NETO2: variants seen among roughly 807,000 people sequenced by gnomAD.
NETO2 encodes neuropilin and tolloid-like protein 2.
In NETO2, 28 loss-of-function variants were observed where a neutral mutation model predicts 62.5. The ratio of observed to expected loss-of-function variants is 0.45; its 90% CI spans 0.33 to 0.61. The LOEUF (loss-of-function observed/expected upper bound fraction) is 0.61. Ranked by LOEUF, NETO2 falls within the 20% of genes least tolerant of loss-of-function variation. NETO2 has a pLI of 0.02. For missense variants in NETO2, 548 were observed against 643.2 expected (o/e 0.85, Z 1.60); for synonymous variants, 214 against 219.1 (o/e 0.98, Z 0.21).
intron 2 of NETO2, among the ~76,000 whole-genome samples, chr16:47,130,456 A>G (rs935541535): frequency 6.6e-6 from 1 of 151,054 alleles, no homozygotes; most frequent in African/African-American, 2.4e-5. Flanking sequence ...AAATAAATAA[A>G]TAATAATAAT....
intron 6 of NETO2, among the ~76,000 whole-genome samples, chr16:47,121,307 G>A (rs1179304232): frequency 6.6e-6 from 1 of 152,108 alleles, no homozygotes; most frequent in South Asian, 2.1e-4. Context: ...TCTGCGGGCT[G>A]TGAGCTGACC....
chr16:47,134,617 C>T (rs1440754416), intron 1 of NETO2, among the ~76,000 whole-genome samples: 1 of 152,166 alleles, frequency 6.6e-6, no homozygotes, highest in Non-Finnish European at 1.5e-5. Context: ...GTATACCATT[C>T]CTCCTTAATC....
chr16:47,143,477 C>A, intron 1 of NETO2, 102 bp downstream of exon 1: 1 of 1,179,988 alleles, frequency 8.5e-7, no homozygotes, highest in South Asian at 4.2e-5. Flanking sequence ...AGAGGCGCGT[C>A]GGGTCCCGGG....
chr16:47,129,297 A>T lies in NETO2; in HGVS notation c.159T>A (p.Asn53Lys). 6.2e-7 allele frequency: 1 copy of T among 1,614,024 alleles called. No individual in the cohort carries two copies. Among genetic ancestry groups the T allele is most frequent in the South Asian group, 1.1e-5 (1 of 91,072 alleles). The change falls in exon 3 of 9, where the codon AAT becomes AAA. Residue 53 changes from asparagine (N) to lysine (K), a missense_variant. By Grantham distance (94) the Asn-to-Lys change is moderately conservative. Transcript: ENST00000562435. ...TQCGIWVRTS[N>K]GGHFASPNYP... The stretch of plus-strand genomic sequence containing the variant: ...AATTTGGCGAAGCAAAATGACCTCC[A>T]TTGCTGGTTCGAACCCAAATGCCAC...
At chr16:47,096,972 G>C (rs991779656) in intron 7 of NETO2, among the ~76,000 whole-genome samples, 1 of 152,202 alleles carries the variant, frequency 6.6e-6, no homozygotes, top group Non-Finnish European at 1.5e-5. Flanking sequence ...GAAGCCATGA[G>C]GGAACGGCGC....
intron 6 of NETO2, among the ~76,000 whole-genome samples, chr16:47,118,450 T>A (rs1305958537): frequency 1.3e-5 from 2 of 152,216 alleles, no homozygotes; most frequent in Non-Finnish European, 2.9e-5. Context: ...CTCCTCTATC[T>A]AGTTCCTCTG....
At chr16:47,136,539 G>A (rs1964364231) in intron 1 of NETO2, among the ~76,000 whole-genome samples, 1 of 152,060 alleles carries the variant, frequency 6.6e-6, no homozygotes, top group South Asian at 2.1e-4. Context: ...CTGAGTAGCT[G>A]GGACTACAGG....
chr16:47,138,081 T>C (rs952739390), intron 1 of NETO2, among the ~76,000 whole-genome samples: 1 of 152,196 alleles, frequency 6.6e-6, no homozygotes, highest in Non-Finnish European at 1.5e-5. Flanking sequence ...GATGACTTGA[T>C]AAAGGGCATT....
At chr16:47,088,374 G>C (rs918161478) in intron 7 of NETO2, among the ~76,000 whole-genome samples, 7 of 152,262 alleles carry the variant, frequency 4.6e-5, no homozygotes, top group Middle Eastern at 6.8e-3. Context: ...CCAAAGTGTT[G>C]GGATTACAGG....
intron 1 of NETO2, among the ~76,000 whole-genome samples, chr16:47,137,454 G>A (rs1053875949): frequency 6.6e-6 from 1 of 152,192 alleles, no homozygotes; most frequent in African/African-American, 2.4e-5. Context: ...TTTGGTAGTG[G>A]CAGGAGACAT....
Position 47,131,373 on chromosome 16 carries a change from G to A in NETO2, c.91+596C>T, listed in dbSNP as rs547638861. 3.8e-4 allele frequency among the ~76,000 whole-genome samples: 58 copies of A among 152,314 alleles called. No individual in the cohort carries two copies. The South Asian group carries it at 0.012, about 31-fold the overall frequency. On this transcript the variant is annotated intron_variant, in intron 2 of 8. Transcript: ENST00000562435. ...GGGAAATACCAAAAGAATCAGCTAA[G>A]AGTGATTATTTCCATGGAGCAGGAA...
At chr16:47,131,862 A>C (rs1964272051) in intron 2 of NETO2, 107 bp downstream of exon 2, 2 of 879,466 alleles carry the variant, frequency 2.3e-6, no homozygotes, top group Admixed American at 3.7e-5. Flanking sequence ...AGGTCACTGG[A>C]ACACCCCAAA....
intron 6 of NETO2, 149 bp from the exon 7 acceptor site, chr16:47,109,860 G>A: frequency 1.7e-6 from 1 of 601,110 alleles, no homozygotes. Flanking sequence ...ATAGTGAGAG[G>A]AACTAAGATT....
At chr16:47,108,089 T>A (rs1426520874) in intron 7 of NETO2, among the ~76,000 whole-genome samples, 1 of 152,016 alleles carries the variant, frequency 6.6e-6, no homozygotes, top group Non-Finnish European at 1.5e-5. Context: ...ATAATAATAT[T>A]ATTAATATTA....
intron 1 of NETO2, among the ~76,000 whole-genome samples, chr16:47,136,814 C>T (rs928855775): frequency 6.6e-6 from 1 of 151,720 alleles, no homozygotes; most frequent in African/African-American, 2.4e-5. Context: ...AAATAGATCT[C>T]GCCTTCAAGC....
At chr16:47,096,171 AGGGAAATTTACACC>A (rs1963423613) in intron 7 of NETO2, among the ~76,000 whole-genome samples, 1 of 152,224 alleles carries the variant, frequency 6.6e-6, no homozygotes, top group East Asian at 1.9e-4. Context: ...CAGTAGTAAA[AGGGAAATTTACACC>A]TGTAAATGCC....
In NETO2 at chr16:47,081,288, G is replaced by T. The variant is rs933215183; in HGVS notation, c.*1933C>A. 6.6e-6 allele frequency: 1 copy of T among 152,068 alleles called. No individual in the cohort carries two copies. The allele number at this position is 152,068 out of a possible 1,614,324, so 9.4% of individuals were successfully genotyped here. A position where few individuals can be genotyped will look rare whatever the true frequency, so the allele number is the denominator to read the frequency against. ...TTATGCTGTTCAAATGTTAGCTGGT[G>T]TAAGTTACCTACTAAAATGCTTATT... is the stretch of plus-strand genomic sequence containing the variant. On this transcript the variant is annotated 3_prime_UTR_variant, in exon 9 of 9. Transcript: ENST00000562435.
chr16:47,111,355 CT>C (rs1963796835), intron 6 of NETO2, among the ~76,000 whole-genome samples: 2 of 152,160 alleles, frequency 1.3e-5, no homozygotes, highest in African/African-American at 4.8e-5. Context: ...ATAGTAAATG[CT>C]CTTCAAAGAC....
intron 7 of NETO2, among the ~76,000 whole-genome samples, 164 bp from the exon 8 acceptor site, chr16:47,086,503 T>C (rs774948662): frequency 5.3e-5 from 8 of 152,268 alleles, no homozygotes; most frequent in Non-Finnish European, 1.2e-4. Context: ...TATTCTCTGA[T>C]GCTGGCTCAT....
Sources: gnomAD v4.1 joint callset for allele counts (sites outside exome capture counted in the v4.1 genomes callset) on GRCh38, gnomAD v4.1.1 for gene constraint, MANE v1.5 for transcripts, NCBI Gene and HGNC (gene_info 2026-07-23, HGNC 2026-07-21) for gene names.